Variants in TBC1D14 observed in about 807,000 individuals in gnomAD.
TBC1D14 encodes the protein TBC1 domain family member 14.
In TBC1D14, 26 loss-of-function variants were observed where a neutral mutation model predicts 79.0. The ratio of observed to expected loss-of-function variants is 0.33; its 90% confidence interval spans 0.24 to 0.46. TBC1D14 has a LOEUF of 0.46. TBC1D14 is among the 20% of genes least tolerant of loss of function. The pLI, the probability that TBC1D14 is intolerant of heterozygous loss-of-function variation, is 1.00. For missense variants in TBC1D14, 769 were observed against 887.6 expected (o/e 0.87, Z 1.70); for synonymous variants, 394 against 349.9 (o/e 1.13, Z -1.40).
Position 6,919,914 on chromosome 4 carries a change from C to T in TBC1D14, c.-17-3459C>T, listed in dbSNP as rs184495082. 5.4e-4 allele frequency among the ~76,000 whole-genome samples: 82 copies of T among 152,298 alleles called. 1 individual carries two copies. The highest frequency in any genetic ancestry group is 3.9e-3 in the South Asian group (19 of 4,830). On this transcript the variant is annotated intron_variant, in intron 1 of 13. Transcript: ENST00000409757. ...GATTACAGGCGTGAGCCACCGTGCC[C>T]GGCCTATTTATTTATTTTGAAATAG...
At chr4:6,993,600 G>A (rs897067569) in intron 3 of TBC1D14, among the ~76,000 whole-genome samples, 15 of 152,196 alleles carry the variant, frequency 9.9e-5, no homozygotes, top group African/African-American at 3.6e-4. Flanking sequence ...CTGAGGCAGC[G>A]TTTGAGGGCC....
At chr4:6,997,662 A>G (rs774174509) in intron 5 of TBC1D14, among the ~76,000 whole-genome samples, 14 of 152,196 alleles carry the variant, frequency 9.2e-5, no homozygotes, top group Non-Finnish European at 1.8e-4. Flanking sequence ...AATGTGGTGT[A>G]TATGTACAGT....
intron 2 of TBC1D14, among the ~76,000 whole-genome samples, chr4:6,957,925 A>G (rs1312516300): frequency 1.4e-5 from 2 of 145,600 alleles, no homozygotes; most frequent in African/African-American, 2.5e-5. Flanking sequence ...ATAAATAAAA[A>G]TAAATAAAAA....
chr4:6,968,092 C>G (rs902274480), intron 3 of TBC1D14, among the ~76,000 whole-genome samples: 1 of 152,186 alleles, frequency 6.6e-6, no homozygotes, highest in African/African-American at 2.4e-5. Context: ...GGCTCGGCAT[C>G]CTAAGAGTCT....
chr4:6,956,783 G>A (rs1318983657), intron 2 of TBC1D14, among the ~76,000 whole-genome samples: 1 of 152,234 alleles, frequency 6.6e-6, no homozygotes. Flanking sequence ...CTGTGCCTGA[G>A]CTGCCTGTGC....
intron 12 of TBC1D14, among the ~76,000 whole-genome samples, chr4:7,024,143 C>T (rs1341410145): frequency 1.3e-5 from 2 of 152,166 alleles, no homozygotes; most frequent in African/African-American, 4.8e-5. Context: ...CACTTGTGAG[C>T]AGGTTGACCA....
At chr4:6,993,837 C>T (rs936613009) in intron 3 of TBC1D14, among the ~76,000 whole-genome samples, 1 of 152,122 alleles carries the variant, frequency 6.6e-6, no homozygotes, top group Non-Finnish European at 1.5e-5. Context: ...TGGTGAAACC[C>T]CATCTCTACT....
chr4:7,006,532 A>C (rs1720212970), intron 8 of TBC1D14, 100 bp from the exon 9 acceptor site: 1 of 997,028 alleles, frequency 1.0e-6, no homozygotes, highest in East Asian at 2.5e-5. Context: ...CTTCTGAAAA[A>C]CTTTTTTCCG....
chr4:6,949,440 T>C lies in TBC1D14; in HGVS notation c.723-17864T>C, dbSNP rs375233024. 2.1e-4 allele frequency among the ~76,000 whole-genome samples: 32 copies of C among 152,328 alleles called. 2 individuals carry two copies. In the East Asian group the frequency reaches 2.9e-3, roughly 14 times the overall value. ...GCTCACGCCTATAATCCCAGCACTTTGGGAAGCCGAGGCAGGTGTATCACC... is the reference window on the plus strand; with the variant it reads ...GCTCACGCCTATAATCCCAGCACTTCGGGAAGCCGAGGCAGGTGTATCACC... On this transcript the variant is annotated intron_variant, in intron 2 of 13. Transcript: ENST00000409757.
intron 2 of TBC1D14, among the ~76,000 whole-genome samples, chr4:6,938,352 G>T (rs1007729347): frequency 1.3e-5 from 2 of 152,150 alleles, no homozygotes; most frequent in Non-Finnish European, 2.9e-5. Flanking sequence ...TGCTCCTCTG[G>T]AGAGGGCCAG....
chr4:7,023,645 C>T (rs989578724), intron 12 of TBC1D14, among the ~76,000 whole-genome samples: 1 of 152,216 alleles, frequency 6.6e-6, no homozygotes, highest in Non-Finnish European at 1.5e-5. Flanking sequence ...TGCTGAGGCT[C>T]AGACATCAGA....
intron 11 of TBC1D14, among the ~76,000 whole-genome samples, chr4:7,011,573 T>C (rs948942989): frequency 6.6e-6 from 1 of 152,138 alleles, no homozygotes; most frequent in Non-Finnish European, 1.5e-5. Context: ...TGTTTTGTTT[T>C]TTTGGCAGGG....
At chr4:6,938,840 A>G (rs1311020809) in intron 2 of TBC1D14, among the ~76,000 whole-genome samples, 1 of 152,128 alleles carries the variant, frequency 6.6e-6, no homozygotes, top group African/African-American at 2.4e-5. Context: ...CTGGCCTCCC[A>G]GGGGCCCAGT....
chr4:6,910,522 C>T (rs1156584776), intron 1 of TBC1D14: 3 of 152,280 alleles, frequency 2.0e-5, no homozygotes, highest in Non-Finnish European at 4.4e-5. Context: ...TCTCTGCCTC[C>T]GCCTTGGAGC....
chr4:7,019,425 G>A (rs1010019916), intron 12 of TBC1D14, among the ~76,000 whole-genome samples: 1 of 152,148 alleles, frequency 6.6e-6, no homozygotes, highest in Non-Finnish European at 1.5e-5. Flanking sequence ...CAGTTCTGGG[G>A]TACAGGTTGC....
intron 9 of TBC1D14, among the ~76,000 whole-genome samples, chr4:7,008,124 TA>T (rs1720396571): frequency 6.6e-6 from 1 of 152,224 alleles, no homozygotes; most frequent in South Asian, 2.1e-4. Context: ...TTTTTGTTAT[TA>T]AATCTCTTTG....
chr4:7,014,624 T>C, intron 12 of TBC1D14, 67 bp downstream of exon 12: 1 of 1,097,224 alleles, frequency 9.1e-7, no homozygotes, highest in Non-Finnish European at 1.4e-6. Flanking sequence ...CACTCTCTTC[T>C]CTGCCAACTT....
In TBC1D14 at chr4:6,982,014, C is replaced by G. The variant is rs184115526; in HGVS notation, c.844-12170C>G. Among the ~76,000 whole-genome samples the G allele has an allele frequency of 1.5e-4, 23 of 152,344 alleles. No individual in the cohort carries two copies. The East Asian group carries it at 3.1e-3, about 20-fold the overall frequency. ...TTCAACATTGTATCGGAAGTCCTAG[C>G]TGGTACCTTGCTTGTGGTAATGCAC... On this transcript the variant is annotated intron_variant, in intron 3 of 13. Coordinates refer to ENST00000409757, the MANE Select transcript of TBC1D14 (RefSeq NM_020773.3).
In TBC1D14 at chr4:7,004,941, A is replaced by G. The variant is rs754581573; in HGVS notation, c.1351+17A>G. 6.2e-7 allele frequency: 1 copy of G among 1,611,092 alleles called. No individual in the cohort carries two copies. Among genetic ancestry groups the G allele is most frequent in the Non-Finnish European group, 8.5e-7 (1 of 1,177,278 alleles). On this transcript the variant is annotated intron_variant, in intron 8 of 13. Transcript: ENST00000409757. Reference sequence around the variant, plus strand: ...AGAACGAAGGTAGAATGTCTTCTAAAACCAGCGGACTGCTGTGGTCAATTA... The same window carrying G: ...AGAACGAAGGTAGAATGTCTTCTAAGACCAGCGGACTGCTGTGGTCAATTA...
Sources: allele counts gnomAD v4.1 joint callset (sites outside exome capture counted in the v4.1 genomes callset), GRCh38; gene constraint gnomAD v4.1.1; transcripts MANE v1.5; gene names NCBI Gene and HGNC (gene_info 2026-07-23, HGNC 2026-07-21).